GUCY1A2: variants seen among roughly 807,000 people sequenced by gnomAD.
GUCY1A2 encodes guanylate cyclase 1 soluble subunit alpha 2.
GUCY1A2 carries 27 observed loss-of-function variants against 63.5 expected under a neutral mutation model. That is an observed-to-expected ratio of 0.43 (90% CI 0.31 to 0.59). The LOEUF (loss-of-function observed/expected upper bound fraction) is 0.59, where lower values mean the gene tolerates loss of function less well. Among genes scored for constraint, GUCY1A2 ranks in the 20% least tolerant of loss-of-function variants. GUCY1A2 has a pLI of 0.11. For missense variants in GUCY1A2, 768 were observed against 913.3 expected (o/e 0.84, Z 2.05); for synonymous variants, 364 against 343.5 (o/e 1.06, Z -0.66).
At chr11:106,883,869 G>A (rs2135473343) in intron 4 of GUCY1A2, among the ~76,000 whole-genome samples, 1 of 152,184 alleles carries the variant, frequency 6.6e-6, no homozygotes, top group Admixed American at 6.6e-5. Flanking sequence ...CATAAAAAAG[G>A]ATGAGTTCAT....
In GUCY1A2 at chr11:106,810,210, T is replaced by A. The variant is rs1457760645; in HGVS notation, c.1475A>T (p.Asp492Val). 2 of 1,612,840 alleles carry A rather than the reference T, an allele frequency of 1.2e-6. No individual in the cohort carries two copies. The highest frequency in any genetic ancestry group is 1.7e-6 in the Non-Finnish European group (2 of 1,179,060). The change falls in exon 5 of 8, where the codon GAT becomes GTT. Residue 492 changes from aspartate (D) to valine (V), a missense_variant. Around this residue, in one of 3 missense-constraint regions of GUCY1A2, gnomAD observed 122 missense variants for 238.1 expected, o/e 0.51. Coordinates refer to ENST00000526355, the MANE Select transcript of GUCY1A2 (RefSeq NM_000855.3). ...ALEEEKKKTV[D>V]LLYSIFPGDV... ...ACCAGGGAAAATAGAATATAGAAGA[T>A]CCACTGTCTTCTTTTTCTCTTCTTC...
At chr11:106,831,878 A>G (rs1859055599) in intron 4 of GUCY1A2, among the ~76,000 whole-genome samples, 1 of 152,146 alleles carries the variant, frequency 6.6e-6, no homozygotes, top group African/African-American at 2.4e-5. Context: ...CCCCAACTCC[A>G]TCATACACTT....
intron 4 of GUCY1A2, among the ~76,000 whole-genome samples, chr11:106,855,896 T>TC (rs1859423984): frequency 1.8e-5 from 1 of 56,046 alleles, no homozygotes; most frequent in Admixed American, 1.8e-4. Context: ...TCTTGTATTT[T>TC]ATTTATTTAT....
rs181516804 is a variant in GUCY1A2, at chr11:106,675,388, T to G, written c.*12161A>C. The G allele has an allele frequency of 1.5e-5, 3 of 198,582 alleles. No homozygotes were observed. In the East Asian group the frequency reaches 2.3e-4, roughly 15 times the overall value. 12.3% of individuals were successfully genotyped at this position (198,582 alleles called of 1,614,324 possible). A position where few individuals can be genotyped will look rare whatever the true frequency, so the allele number is the denominator to read the frequency against. On this transcript the variant is annotated 3_prime_UTR_variant, in exon 8 of 8. Coordinates refer to ENST00000526355, the MANE Select transcript of GUCY1A2 (RefSeq NM_000855.3). ...GAACCTAACCTGAATTCCCTCATAG[T>G]CAAAACCTGCCATGATGATGTGAAT...
intron 6 of GUCY1A2, among the ~76,000 whole-genome samples, chr11:106,752,011 C>A (rs1245269625): frequency 6.6e-6 from 1 of 152,148 alleles, no homozygotes; most frequent in Admixed American, 6.5e-5. Context: ...CAGCCTAGTA[C>A]ATACAACACA....
At chr11:106,738,586 G>A (rs1194885246) in intron 6 of GUCY1A2, among the ~76,000 whole-genome samples, 1 of 152,082 alleles carries the variant, frequency 6.6e-6, no homozygotes, top group East Asian at 1.9e-4. Context: ...TAAGGAAGGG[G>A]TCCAGTTTCA....
rs765178829 is a variant in GUCY1A2 at position 106,939,975 on chromosome 11, G to A, written c.691C>T (p.Pro231Ser). ...TAGTGGAGCATGAGAGTACCTTCAG[G>A]GAGCTCTTTGCATAGGAAAGATGGT... ...ESPSFLCKELPEGTLMLHYFH... is the reference protein window; with the variant it reads ...ESPSFLCKELSEGTLMLHYFH... Residue 231 changes from proline to serine, a missense_variant, in exon 4 of 8, where the codon CCT (proline) becomes TCT (serine). Physicochemically the swap from Pro to Ser is moderately conservative, Grantham distance 74. Coordinates refer to ENST00000526355, the MANE Select transcript of GUCY1A2 (RefSeq NM_000855.3). 1.1e-5 allele frequency: 18 copies of A among 1,613,824 alleles called. No homozygotes were observed. Among genetic ancestry groups the A allele is most frequent in the Non-Finnish European group, 1.4e-5 (17 of 1,179,922 alleles).
At chr11:106,873,985 T>G (rs1859715457) in intron 4 of GUCY1A2, among the ~76,000 whole-genome samples, 1 of 152,196 alleles carries the variant, frequency 6.6e-6, no homozygotes, top group Non-Finnish European at 1.5e-5. Context: ...AAAGACTAAT[T>G]CAAATGTTAG....
intron 1 of GUCY1A2, among the ~76,000 whole-genome samples, chr11:106,987,659 A>G (rs1381160623): frequency 6.6e-6 from 1 of 151,764 alleles, no homozygotes; most frequent in Non-Finnish European, 1.5e-5. Context: ...CCTCAAAAAA[A>G]AAAAAAAAAA....
At chr11:106,776,977 C>A (rs113893775) in intron 5 of GUCY1A2, among the ~76,000 whole-genome samples, 1 of 152,100 alleles carries the variant, frequency 6.6e-6, no homozygotes, top group African/African-American at 2.4e-5. Context: ...CCAGTTTTTC[C>A]ACCTGAAGAA....
Position 106,940,002 on chromosome 11 carries a change from A to C in GUCY1A2, c.664T>G (p.Ser222Ala). ...AGCTCTTTGCATAGGAAAGATGGTG[A>C]CTCCAGAGTGGCCTGTTTTCCAAAA... ...TSFGKQATLE[S>A]PSFLCKELPE... The change falls in exon 4 of 8, where the codon TCA (serine) becomes GCA (alanine). Residue 222 changes from serine (S) to alanine (A), a missense_variant. Around this residue, in one of 3 missense-constraint regions of GUCY1A2, gnomAD observed 496 missense variants for 486.9 expected, o/e 1.02. Transcript: ENST00000526355. 6.2e-7 allele frequency: 1 copy of C among 1,613,930 alleles called. No homozygotes were observed. Among genetic ancestry groups the C allele is most frequent in the African/African-American group, 1.3e-5 (1 of 74,984 alleles).
chr11:106,688,032 C>A (rs1207832477), intron 7 of GUCY1A2, among the ~76,000 whole-genome samples: 1 of 152,142 alleles, frequency 6.6e-6, no homozygotes, highest in Non-Finnish European at 1.5e-5. Flanking sequence ...AAACAGCATT[C>A]CTTGAAAATA....
chr11:106,713,593 G>A (rs1036091937), intron 6 of GUCY1A2, among the ~76,000 whole-genome samples: 8 of 134,288 alleles, frequency 6.0e-5, no homozygotes, highest in East Asian at 2.3e-4. Context: ...TGCAAGCTCC[G>A]TCTCCCGGGT....
chr11:106,827,258 A>G (rs906725776), intron 4 of GUCY1A2: 38 of 1,551,870 alleles, frequency 2.4e-5, no homozygotes, highest in Admixed American at 3.3e-5. Flanking sequence ...TCAGTTGTAT[A>G]TCTGGTTCTT....
At chr11:106,760,835 A>G (rs895703527) in intron 6 of GUCY1A2, among the ~76,000 whole-genome samples, 1 of 152,184 alleles carries the variant, frequency 6.6e-6, no homozygotes, top group African/African-American at 2.4e-5. Context: ...CTTTGGCTAA[A>G]TTCTATATGA....
chr11:106,869,625 G>A (rs184541502), intron 4 of GUCY1A2, among the ~76,000 whole-genome samples: 188 of 152,296 alleles, frequency 1.2e-3, no homozygotes, highest in African/African-American at 4.4e-3. Context: ...TGGAGAGGAT[G>A]TGGAGAAATA....
chr11:106,716,067 G>T (rs1343551502), intron 6 of GUCY1A2, among the ~76,000 whole-genome samples: 1 of 152,144 alleles, frequency 6.6e-6, no homozygotes, highest in African/African-American at 2.4e-5. Context: ...CAGAGGGGTG[G>T]GAGGAGAACA....
intron 7 of GUCY1A2, among the ~76,000 whole-genome samples, chr11:106,695,397 C>CT (rs1224364145): frequency 2.6e-5 from 4 of 152,092 alleles, no homozygotes; most frequent in African/African-American, 7.2e-5. Flanking sequence ...ATCTGAATAT[C>CT]TTTTTTTGCT....
chr11:106,840,742 C>T (rs1859184764), intron 4 of GUCY1A2, among the ~76,000 whole-genome samples: 1 of 151,896 alleles, frequency 6.6e-6, no homozygotes, highest in African/African-American at 2.4e-5. Flanking sequence ...ATAAAGAACA[C>T]TTGCCAATTT....
Sources: gnomAD v4.1 joint callset for allele counts (sites outside exome capture counted in the v4.1 genomes callset) on GRCh38, gnomAD v4.1.1 for gene constraint, gnomAD v4.1.1 regional missense constraint, MANE v1.5 for transcripts, NCBI Gene and HGNC (gene_info 2026-07-23, HGNC 2026-07-21) for gene names.